The following KCNN2 variants were observed in gnomAD, a reference collection of about 807,000 sequenced individuals.
KCNN2 encodes the protein potassium calcium-activated channel subfamily N member 2.
A neutral mutation model predicts 55.5 loss-of-function variants in KCNN2; 24 were observed. That is an observed-to-expected ratio of 0.43 (90% CI 0.31 to 0.61). KCNN2 has a LOEUF of 0.61. Among genes scored for constraint, KCNN2 ranks in the 20% least tolerant of loss-of-function variants. The probability of loss-of-function intolerance (pLI) is 0.08; values close to 1 mark genes in which losing one functional copy is unlikely to be tolerated. For synonymous variants in KCNN2, 431 were observed against 336.1 expected, an observed-to-expected ratio of 1.28 and a Z score of -3.09; for missense variants, 754 against 853.6, an observed-to-expected ratio of 0.88 and a Z score of 1.45.
At chr5:114,476,783 C>CTAGAAGAAAA (rs1416376935) in intron 5 of KCNN2, among the ~76,000 whole-genome samples, 44 of 152,008 alleles carry the variant, frequency 2.9e-4, no homozygotes, top group African/African-American at 1.0e-3. Flanking sequence ...TAAAATGACA[C>CTAGAAGAAAA]TAGAAGAAAA....
chr5:114,298,220 C>T (rs1418666832), intron 2 of KCNN2, among the ~76,000 whole-genome samples: 1 of 152,200 alleles, frequency 6.6e-6, no homozygotes, highest in Non-Finnish European at 1.5e-5. Flanking sequence ...ACAAAAGATG[C>T]CACTTACTGC....
In KCNN2 at chr5:114,232,316, G is replaced by A. The variant is rs116037098; in HGVS notation, c.-185+10751G>A. On this transcript the variant is annotated intron_variant, in intron 2 of 10. Transcript: ENST00000512097. ...ACATTAAATTTAATTCTAAATTAGT[G>A]TTATAAAATGTATAAAAATTAATGG... 9.3e-3 allele frequency among the ~76,000 whole-genome samples: 1,403 copies of A among 151,182 alleles called. 114 individuals carry two copies. The highest frequency in any genetic ancestry group is 0.032 in the African/African-American group (1,289 of 40,546).
chr5:114,140,763 A>ATTG (rs1752261934), intron 1 of KCNN2, among the ~76,000 whole-genome samples: 1 of 27,146 alleles, frequency 3.7e-5, no homozygotes, highest in African/African-American at 2.3e-4. Context: ...TGTCATCCTC[A>ATTG]TTATTATTAT....
intron 1 of KCNN2, among the ~76,000 whole-genome samples, chr5:114,097,589 C>T (rs545675629): frequency 1.4e-4 from 22 of 152,276 alleles, no homozygotes; most frequent in African/African-American, 4.6e-4. Context: ...CCAGTCCTGC[C>T]GCTATTGAAG....
At chr5:114,280,885 C>T (rs1312599582) in intron 2 of KCNN2, among the ~76,000 whole-genome samples, 1 of 152,092 alleles carries the variant, frequency 6.6e-6, no homozygotes, top group African/African-American at 2.4e-5. Context: ...GCCTTGTTTC[C>T]TAAAACTCTT....
intron 2 of KCNN2, among the ~76,000 whole-genome samples, chr5:114,226,920 A>G (rs962048951): frequency 8.5e-5 from 12 of 141,766 alleles, no homozygotes; most frequent in African/African-American, 3.1e-4. Flanking sequence ...AAAAAAAAAA[A>G]AGAAATATTG....
At chr5:114,485,841 A>C (rs1431534485) in intron 5 of KCNN2, among the ~76,000 whole-genome samples, 2 of 152,232 alleles carry the variant, frequency 1.3e-5, no homozygotes, top group Non-Finnish European at 2.9e-5. Flanking sequence ...AAGATTCACT[A>C]TCAGTTACCA....
chr5:114,433,245 A>G (rs547678868), intron 3 of KCNN2, among the ~76,000 whole-genome samples: 6 of 152,314 alleles, frequency 3.9e-5, no homozygotes, highest in Non-Finnish European at 5.9e-5. Flanking sequence ...AAATACACCA[A>G]TCAGCACCCT....
At chr5:114,238,735 T>G (rs184458561) in intron 2 of KCNN2, among the ~76,000 whole-genome samples, 108 of 152,314 alleles carry the variant, frequency 7.1e-4, no homozygotes, top group African/African-American at 2.1e-3. Flanking sequence ...TTATGTTAAT[T>G]TAGAATGTAA....
chr5:114,386,181 T>TAA (rs35485329), intron 2 of KCNN2, among the ~76,000 whole-genome samples: 16 of 100,908 alleles, frequency 1.6e-4, no homozygotes, highest in African/African-American at 3.7e-4. Context: ...AGACTCTGTC[T>TAA]AAAAAAAAAA....
At chr5:114,368,238 C>G (rs1178389012) in intron 2 of KCNN2, among the ~76,000 whole-genome samples, 1 of 152,038 alleles carries the variant, frequency 6.6e-6, no homozygotes, top group African/African-American at 2.4e-5. Context: ...GGAACTAATC[C>G]CCTGTGGTTA....
At chr5:114,337,391 T>C (rs1423103503) in intron 2 of KCNN2, among the ~76,000 whole-genome samples, 3 of 152,190 alleles carry the variant, frequency 2.0e-5, no homozygotes, top group African/African-American at 7.2e-5. Context: ...AGAAGAAAGA[T>C]GTCCCATGTA....
intron 2 of KCNN2, among the ~76,000 whole-genome samples, chr5:114,348,038 T>G (rs1215035674): frequency 6.6e-6 from 1 of 152,184 alleles, no homozygotes; most frequent in Non-Finnish European, 1.5e-5. Context: ...TCTTGACCAC[T>G]GAGTCCTTTA....
intron 2 of KCNN2, among the ~76,000 whole-genome samples, chr5:114,379,805 A>G (rs1468115327): frequency 7.0e-6 from 1 of 143,416 alleles, no homozygotes; most frequent in African/African-American, 2.5e-5. Context: ...AATATATTAT[A>G]TAACATATTA....
At chr5:114,379,475 TATTTATA>T (rs1758039087) in intron 2 of KCNN2, among the ~76,000 whole-genome samples, 2 of 119,154 alleles carry the variant, frequency 1.7e-5, no homozygotes, top group African/African-American at 5.6e-5. Flanking sequence ...ACATATTATA[TATTTATA>T]GAATATATTA....
chr5:114,361,153 G>C (rs935620296), upstream of KCNN2: 3 of 152,268 alleles, frequency 2.0e-5, no homozygotes, highest in African/African-American at 4.8e-5. Flanking sequence ...GCGCAAATGT[G>C]AGCTGGCGGT....
intron 1 of KCNN2, among the ~76,000 whole-genome samples, chr5:114,220,225 T>C (rs1754103707): frequency 1.3e-5 from 2 of 152,202 alleles, no homozygotes; most frequent in Admixed American, 6.5e-5. Context: ...TAGAAATGTG[T>C]ATTTCAAACT....
At chr5:114,307,938 C>G (rs1049261934) in intron 2 of KCNN2, among the ~76,000 whole-genome samples, 1 of 151,994 alleles carries the variant, frequency 6.6e-6, no homozygotes, top group African/African-American at 2.4e-5. Context: ...CCCCATACCC[C>G]AATCAAAAAT....
intron 2 of KCNN2, among the ~76,000 whole-genome samples, chr5:114,334,434 A>G (rs923327250): frequency 6.6e-6 from 1 of 152,130 alleles, no homozygotes; most frequent in Non-Finnish European, 1.5e-5. Context: ...ACGTGGATAG[A>G]CAATTCATAG....
Sources: allele counts gnomAD v4.1 joint callset (sites outside exome capture counted in the v4.1 genomes callset), GRCh38; gene constraint gnomAD v4.1.1; transcripts MANE v1.5; gene names NCBI Gene and HGNC (gene_info 2026-07-23, HGNC 2026-07-21).